Variants in CSNK2A2IP observed in about 807,000 individuals in gnomAD.
CSNK2A2IP encodes the protein casein kinase II subunit alpha'-interacting protein.
At chr3:88,427,939 C>A in the CSNK2A2IP span, among the ~76,000 whole-genome samples, 1 of 152,110 alleles carries the variant, frequency 6.6e-6, no homozygotes, top group Non-Finnish European at 1.5e-5. Context: ...ATCCCCCAGA[C>A]CCCAGAATGG....
At chr3:88,456,591 G>A in the CSNK2A2IP span, among the ~76,000 whole-genome samples, 1 of 150,172 alleles carries the variant, frequency 6.7e-6, no homozygotes, top group Non-Finnish European at 1.5e-5. Context: ...TAGTTTTTGG[G>A]GTGGGCTTTA....
chr3:88,448,492 C>A, the CSNK2A2IP span, among the ~76,000 whole-genome samples: 1 of 152,162 alleles, frequency 6.6e-6, no homozygotes, highest in African/African-American at 2.4e-5. Flanking sequence ...TCTGGAAAAC[C>A]TATGTCCCAT....
At chr3:88,394,837 C>G in the CSNK2A2IP span, among the ~76,000 whole-genome samples, 1 of 152,126 alleles carries the variant, frequency 6.6e-6, no homozygotes, top group African/African-American at 2.4e-5. Flanking sequence ...TGGATACAAG[C>G]CCTTTGTTCT....
chr3:88,396,523 G>C, the CSNK2A2IP span, among the ~76,000 whole-genome samples: 1 of 152,184 alleles, frequency 6.6e-6, no homozygotes, highest in African/African-American at 2.4e-5. Flanking sequence ...GCATTGACTA[G>C]GTTAGCGAGG....
At chr3:88,406,867 G>T in the CSNK2A2IP span, among the ~76,000 whole-genome samples, 1 of 152,188 alleles carries the variant, frequency 6.6e-6, no homozygotes. Context: ...ACAGAATCCA[G>T]ATTCTGCCAT....
chr3:88,340,590 C>T, the CSNK2A2IP span, among the ~76,000 whole-genome samples: 1 of 151,928 alleles, frequency 6.6e-6, no homozygotes, highest in South Asian at 2.1e-4. Context: ...TCAATCATGA[C>T]CTGTGGGGCT....
At chr3:88,342,028 A>T in the CSNK2A2IP span, among the ~76,000 whole-genome samples, 295 of 152,078 alleles carry the variant, frequency 1.9e-3, 2 homozygotes, top group African/African-American at 6.6e-3. Flanking sequence ...ACTAGTATAA[A>T]TTTTTTTAAG....
the CSNK2A2IP span, among the ~76,000 whole-genome samples, chr3:88,410,359 A>C: frequency 6.6e-6 from 1 of 152,078 alleles, no homozygotes; most frequent in Admixed American, 6.5e-5. Context: ...GGTATGTGAC[A>C]ACCTGCATTC....
chr3:88,460,995 G>A, the CSNK2A2IP span, among the ~76,000 whole-genome samples: 3 of 151,964 alleles, frequency 2.0e-5, no homozygotes, highest in African/African-American at 4.8e-5. Context: ...GCTGAGGCAG[G>A]AGAATTGCTG....
the CSNK2A2IP span, chr3:88,466,027 TC>T: frequency 4.9e-6 from 6 of 1,231,616 alleles, no homozygotes; most frequent in Non-Finnish European, 6.1e-6. Flanking sequence ...TCAGAAAACA[TC>T]CTCATTGGAC....
At chr3:88,375,344 G>GT in the CSNK2A2IP span, among the ~76,000 whole-genome samples, 4 of 151,754 alleles carry the variant, frequency 2.6e-5, no homozygotes, top group African/African-American at 4.8e-5. Context: ...CTTCTATCCT[G>GT]TTGTTGGGTG....
At chr3:88,377,551 G>A in the CSNK2A2IP span, among the ~76,000 whole-genome samples, 1 of 151,238 alleles carries the variant, frequency 6.6e-6, no homozygotes, top group African/African-American at 2.4e-5. Context: ...TCTGTTGATG[G>A]CTTAACTTTC....
At chr3:88,384,078 A>G in the CSNK2A2IP span, among the ~76,000 whole-genome samples, 1 of 152,204 alleles carries the variant, frequency 6.6e-6, no homozygotes, top group Non-Finnish European at 1.5e-5. Flanking sequence ...AATTTTGCAC[A>G]GAAACATTTT....
the CSNK2A2IP span, among the ~76,000 whole-genome samples, chr3:88,346,427 C>G: frequency 6.6e-6 from 1 of 151,970 alleles, no homozygotes; most frequent in Admixed American, 6.6e-5. Context: ...TGTCTGGCTT[C>G]AAAGCTTCAA....
the CSNK2A2IP span, among the ~76,000 whole-genome samples, chr3:88,363,093 C>A: frequency 6.6e-6 from 1 of 152,164 alleles, no homozygotes. Context: ...CTCCCTCCCT[C>A]AAGCACAAAA....
chr3:88,341,700 A>G, the CSNK2A2IP span, among the ~76,000 whole-genome samples: 1 of 151,928 alleles, frequency 6.6e-6, no homozygotes, highest in Non-Finnish European at 1.5e-5. Context: ...ACCTTGAACT[A>G]TTTTCAGACA....
the CSNK2A2IP span, among the ~76,000 whole-genome samples, chr3:88,340,802 A>G: frequency 6.6e-6 from 1 of 151,916 alleles, no homozygotes. Flanking sequence ...GGGTTTACAT[A>G]CTTAATTGAT....
At chr3:88,403,084 T>A in the CSNK2A2IP span, among the ~76,000 whole-genome samples, 16 of 152,098 alleles carry the variant, frequency 1.1e-4, no homozygotes, top group Non-Finnish European at 1.6e-4. Context: ...GTTCTGTCAA[T>A]CCTAGTTCAG....
At chr3:88,338,601 G>A in the CSNK2A2IP span, 1 of 152,270 alleles carries the variant, frequency 6.6e-6, no homozygotes, top group African/African-American at 2.4e-5. Flanking sequence ...AATCACTACA[G>A]CTATAGGGAT....
Sources: gnomAD v4.1 joint callset for allele counts (sites outside exome capture counted in the v4.1 genomes callset) on GRCh38, gnomAD v4.1.1 for gene constraint, MANE v1.5 for transcripts, NCBI Gene and HGNC (gene_info 2026-07-23, HGNC 2026-07-21) for gene names.